CFDP1: variants seen among roughly 807,000 people sequenced by gnomAD.
CFDP1 encodes the protein chromatin remodeling protein CFDP1.
In CFDP1, 31 loss-of-function variants were observed where a neutral mutation model predicts 40.1. That is an observed-to-expected ratio of 0.77 (90% CI 0.58 to 1.04). The LOEUF is 1.04. Ranked by LOEUF, CFDP1 falls within the 50% of genes least tolerant of loss-of-function variation. The pLI, the probability that CFDP1 is intolerant of heterozygous loss-of-function variation, is 0.00. For missense variants in CFDP1, 423 were observed against 343.4 expected (o/e 1.23, Z -1.83); for synonymous variants, 167 against 120.0 (o/e 1.39, Z -2.56).
intron 1 of CFDP1, among the ~76,000 whole-genome samples, chr16:75,429,116 C>G (rs966252295): frequency 6.7e-6 from 1 of 149,416 alleles, no homozygotes; most frequent in Non-Finnish European, 1.5e-5. Context: ...GAGTCTGTCT[C>G]GAAAAAAAAG....
chr16:75,381,320 A>C (rs971482955), intron 5 of CFDP1: 2 of 152,132 alleles, frequency 1.3e-5, no homozygotes, highest in African/African-American at 4.8e-5. Flanking sequence ...AAATTAAAAT[A>C]GTTTTTTAAA....
intron 5 of CFDP1, among the ~76,000 whole-genome samples, chr16:75,390,758 G>A (rs59845856): frequency 0.026 from 3,899 of 152,272 alleles, 164 homozygotes; most frequent in African/African-American, 0.087. Flanking sequence ...TCACTTAACA[G>A]AAGGTCTCAG....
Position 75,384,854 on chromosome 16 carries a change from ATATATATATATATATATATATATATATAT to A in CFDP1, c.650+10207_650+10235del, listed in dbSNP as rs1567665416. ...CAAGTTGCAAGAAGAAACTAAAACT[ATATATATATATATATATATATATATATAT>A]ATATATATATATATATTGCAGACCA... On this transcript the variant is annotated intron_variant, in intron 5 of 6. Transcript: ENST00000283882. 5.6e-3 allele frequency among the ~76,000 whole-genome samples: 702 copies of A among 124,890 alleles called. 23 individuals carry two copies. The highest frequency in any genetic ancestry group is 0.024 in the African/African-American group (664 of 28,158). 81.9% of individuals were successfully genotyped at this position (124,890 alleles called of 152,430 possible).
At chr16:75,387,055 A>G (rs923010628) in intron 5 of CFDP1, among the ~76,000 whole-genome samples, 5 of 152,242 alleles carry the variant, frequency 3.3e-5, no homozygotes, top group African/African-American at 1.2e-4. Flanking sequence ...CAAATTAAGA[A>G]TAAGTTAAAA....
At chr16:75,315,331 CAAAAAAA>C (rs758174791) in intron 5 of CFDP1, among the ~76,000 whole-genome samples, 6 of 47,798 alleles carry the variant, frequency 1.3e-4, no homozygotes, top group East Asian at 9.8e-4. Flanking sequence ...GACCCTATCT[CAAAAAAA>C]AAAAAAAAAA....
chr16:75,367,520 C>T (rs986739858), intron 5 of CFDP1, among the ~76,000 whole-genome samples: 4 of 151,352 alleles, frequency 2.6e-5, no homozygotes, highest in Non-Finnish European at 5.9e-5. Flanking sequence ...CGGCTGGGTG[C>T]AGTGGCTCCC....
intron 4 of CFDP1, among the ~76,000 whole-genome samples, chr16:75,406,059 C>G (rs2079096736): frequency 1.3e-5 from 2 of 151,632 alleles, no homozygotes; most frequent in Non-Finnish European, 2.9e-5. Flanking sequence ...TTGGGCAACA[C>G]AGCAAGACCC....
chr16:75,327,776 T>G (rs2078413404), intron 5 of CFDP1, among the ~76,000 whole-genome samples: 1 of 152,152 alleles, frequency 6.6e-6, no homozygotes, highest in Non-Finnish European at 1.5e-5. Context: ...CAGGCTGGAG[T>G]GCAATGGCGC....
At chr16:75,351,933 G>A (rs752350363) in intron 5 of CFDP1, among the ~76,000 whole-genome samples, 48 of 147,698 alleles carry the variant, frequency 3.2e-4, no homozygotes, top group African/African-American at 1.1e-3. Flanking sequence ...ACTTGAACCC[G>A]GGAGGTAGAG....
At chr16:75,305,749 C>G (rs1279405491) in intron 5 of CFDP1, among the ~76,000 whole-genome samples, 1 of 152,142 alleles carries the variant, frequency 6.6e-6, no homozygotes, top group Non-Finnish European at 1.5e-5. Flanking sequence ...GAAAGAGAAC[C>G]AGTTCCCAAC....
At chr16:75,332,606 G>A (rs1032865805) in intron 5 of CFDP1, among the ~76,000 whole-genome samples, 4 of 151,884 alleles carry the variant, frequency 2.6e-5, no homozygotes, top group Non-Finnish European at 4.4e-5. Flanking sequence ...GGTTGAGGCT[G>A]CAGTGAACCA....
chr16:75,324,013 A>C (rs2078385428), intron 5 of CFDP1, among the ~76,000 whole-genome samples: 1 of 152,246 alleles, frequency 6.6e-6, no homozygotes, highest in Non-Finnish European at 1.5e-5. Context: ...GGTAATGATT[A>C]AATGAGATAT....
chr16:75,356,478 G>C (rs998542311), intron 5 of CFDP1, among the ~76,000 whole-genome samples: 3 of 152,150 alleles, frequency 2.0e-5, no homozygotes, highest in Non-Finnish European at 4.4e-5. Flanking sequence ...AACTATGCTG[G>C]AAACAGATGT....
At chr16:75,307,203 CCT>C (rs1351521215) in intron 5 of CFDP1, among the ~76,000 whole-genome samples, 1 of 151,882 alleles carries the variant, frequency 6.6e-6, no homozygotes, top group Non-Finnish European at 1.5e-5. Flanking sequence ...TTCACTGACC[CCT>C]TTTTATTTTT....
chr16:75,408,668 C>G (rs1189090950), intron 4 of CFDP1, among the ~76,000 whole-genome samples: 1 of 151,370 alleles, frequency 6.6e-6, no homozygotes. Context: ...CCCAGCCACT[C>G]GGGAGCCTGA....
In CFDP1 at chr16:75,393,916, G is replaced by A. The variant is rs550885425; in HGVS notation, c.650+1174C>T. Among the ~76,000 whole-genome samples, 38 of 151,850 alleles carry A rather than the reference G, an allele frequency of 2.5e-4. No individual in the cohort carries two copies. In the South Asian group the frequency reaches 6.7e-3, roughly 27 times the overall value. ...CTACTAAAAATACAAAAGATTAGAC[G>A]GGCGTGTTGGCACCTGTAGTCCCAG... On this transcript the variant is annotated intron_variant, in intron 5 of 6. Transcript: ENST00000283882.
intron 1 of CFDP1, among the ~76,000 whole-genome samples, chr16:75,429,701 A>G (rs932217471): frequency 1.3e-5 from 2 of 152,240 alleles, no homozygotes; most frequent in African/African-American, 4.8e-5. Flanking sequence ...GGTAACCAAG[A>G]CAAAGTGGAG....
chr16:75,379,245 G>A (rs1012807146), intron 5 of CFDP1, among the ~76,000 whole-genome samples: 2 of 150,364 alleles, frequency 1.3e-5, no homozygotes, highest in African/African-American at 4.9e-5. Context: ...AGAAGTAAAT[G>A]AAATTGAAAA....
At chr16:75,426,556 G>C (rs891604461) in intron 1 of CFDP1, among the ~76,000 whole-genome samples, 2 of 151,482 alleles carry the variant, frequency 1.3e-5, no homozygotes, top group African/African-American at 4.9e-5. Context: ...CATGCCTGTA[G>C]TCCCAGTTAC....
Sources: allele counts gnomAD v4.1 joint callset (sites outside exome capture counted in the v4.1 genomes callset), GRCh38; gene constraint gnomAD v4.1.1; transcripts MANE v1.5; gene names NCBI Gene and HGNC (gene_info 2026-07-23, HGNC 2026-07-21).